ME1: variants seen among roughly 807,000 people sequenced by gnomAD.
The protein encoded by ME1 is NADP-dependent malic enzyme.
In ME1, 74 loss-of-function variants were observed where a neutral mutation model predicts 66.4. The ratio of observed to expected loss-of-function variants is 1.11; its 90% CI spans 0.92 to 1.35. The LOEUF (loss-of-function observed/expected upper bound fraction) is 1.35, where lower values mean the gene tolerates loss of function less well. Ranked by LOEUF, ME1 falls within the 40% of genes most tolerant of loss-of-function variation. The pLI is 0.00. For synonymous variants in ME1, 251 were observed against 235.6 expected (o/e 1.07, Z -0.60); for missense variants, 750 against 694.1 (o/e 1.08, Z -0.90).
At chr6:83,220,439 G>C (rs2128522990) in intron 12 of ME1, among the ~76,000 whole-genome samples, 2 of 152,304 alleles carry the variant, frequency 1.3e-5, no homozygotes, top group East Asian at 3.9e-4. Flanking sequence ...AGGTCCAGAA[G>C]ACTGTCTATA....
At chr6:83,393,277 T>TCCA (rs1473692316) in intron 3 of ME1, 1 of 1,202,794 alleles carries the variant, frequency 8.3e-7, no homozygotes, top group Non-Finnish European at 1.2e-6. Context: ...CACCCACTCT[T>TCCA]CCACCTTCGA....
intron 5 of ME1, among the ~76,000 whole-genome samples, chr6:83,342,184 T>C (rs947456590): frequency 1.3e-5 from 2 of 152,200 alleles, no homozygotes; most frequent in Admixed American, 6.5e-5. Flanking sequence ...GGGAAACCTC[T>C]AGCGGGTATT....
At chr6:83,223,974 G>T in intron 11 of ME1, 41 bp from the exon 12 acceptor site, 1 of 1,570,366 alleles carries the variant, frequency 6.4e-7, no homozygotes, top group Non-Finnish European at 8.7e-7. Flanking sequence ...AAAAGAAGCA[G>T]AATATTTTAA....
chr6:83,277,772 C>T (rs1767211135), intron 6 of ME1, among the ~76,000 whole-genome samples: 1 of 151,850 alleles, frequency 6.6e-6, no homozygotes, highest in Non-Finnish European at 1.5e-5. Flanking sequence ...CGTGGTGGCA[C>T]ATGGCTGTAA....
intron 6 of ME1, among the ~76,000 whole-genome samples, chr6:83,310,054 T>C: frequency 6.6e-6 from 1 of 152,190 alleles, no homozygotes; most frequent in East Asian, 1.9e-4. Flanking sequence ...GCTACTCCAC[T>C]AGAGATGCTA....
chr6:83,244,573 G>T (rs1159308052), intron 7 of ME1, among the ~76,000 whole-genome samples: 1 of 152,054 alleles, frequency 6.6e-6, no homozygotes, highest in Non-Finnish European at 1.5e-5. Flanking sequence ...AGAAATTTGA[G>T]GCTGGGGGTA....
intron 5 of ME1, among the ~76,000 whole-genome samples, chr6:83,344,105 C>T (rs1319716067): frequency 6.8e-6 from 1 of 148,074 alleles, no homozygotes. Context: ...AGCAAGACCC[C>T]GTCTAAAAAA....
Position 83,346,212 on chromosome 6 carries a change from T to C in ME1, c.561A>G (p.Glu187=). The C allele has an allele frequency of 6.2e-7, 1 of 1,610,664 alleles. No homozygotes were observed. Among genetic ancestry groups the C allele is most frequent in the Non-Finnish European group, 8.5e-7 (1 of 1,178,028 alleles). ...YTACGGMNPQ[E]CLPVILDVGT... ...CCACATCCAGAATGACAGGCAGACATTCTTGAGGATTCATCCCTCCGCAAG... is the reference window on the plus strand; with the variant it reads ...CCACATCCAGAATGACAGGCAGACACTCTTGAGGATTCATCCCTCCGCAAG... Residue 187 remains glutamate, a synonymous_variant, in exon 5 of 14, where the codon GAA becomes GAG. Transcript: ENST00000369705.
At position 83,217,705 on chromosome 6, in the gene ME1, G is replaced by A. The variant is rs141577683; in HGVS notation, c.1450-1109C>T. 4.2e-3 allele frequency among the ~76,000 whole-genome samples: 637 copies of A among 152,300 alleles called. 4 individuals are homozygous for A. Among genetic ancestry groups the A allele is most frequent in the Middle Eastern group, 6.8e-3 (2 of 294 alleles). On this transcript the variant is annotated intron_variant, in intron 12 of 13. Transcript: ENST00000369705. ...AAACCTACAGGAAAGCCTGGAGTTA[G>A]ACAAACAGAAAGTAGGTAGGCATTT... is the stretch of plus-strand genomic sequence containing the variant.
At chr6:83,272,296 G>C (rs1158638009) in intron 6 of ME1, among the ~76,000 whole-genome samples, 1 of 151,660 alleles carries the variant, frequency 6.6e-6, no homozygotes, top group African/African-American at 2.4e-5. Flanking sequence ...ACACTCTCAT[G>C]AAATCCTAAC....
chr6:83,271,590 T>C (rs1767082939), intron 6 of ME1, among the ~76,000 whole-genome samples: 1 of 152,182 alleles, frequency 6.6e-6, no homozygotes, highest in Non-Finnish European at 1.5e-5. Context: ...TGTAAACTGA[T>C]AACAGTAATA....
At position 83,410,986 on chromosome 6, in the gene ME1, A is replaced by C. The variant is rs150300878; in HGVS notation, c.79-3085T>G. 1.5e-3 allele frequency among the ~76,000 whole-genome samples: 221 copies of C among 152,314 alleles called. 1 individual carries two copies. Among genetic ancestry groups the C allele is most frequent in the African/African-American group, 5.1e-3 (210 of 41,564 alleles). On this transcript the variant is annotated intron_variant, in intron 1 of 13. Coordinates refer to ENST00000369705, the MANE Select transcript of ME1 (RefSeq NM_002395.6). ...TAGCCAAATTTTCCAAAACACACTA[A>C]AGTGCCAATTCAATCCTTTTAAAAA...
chr6:83,280,706 A>T (rs1767272009), intron 6 of ME1, among the ~76,000 whole-genome samples: 1 of 152,192 alleles, frequency 6.6e-6, no homozygotes, highest in African/African-American at 2.4e-5. Context: ...GAATTGATCC[A>T]ACAACTACAG....
chr6:83,215,885 G>A (rs1039762690), intron 13 of ME1, among the ~76,000 whole-genome samples: 3 of 152,176 alleles, frequency 2.0e-5, no homozygotes, highest in Non-Finnish European at 4.4e-5. Flanking sequence ...CCCAGCCCAA[G>A]AAAACTAATA....
intron 3 of ME1, among the ~76,000 whole-genome samples, chr6:83,368,327 T>C (rs1181109640): frequency 6.7e-6 from 1 of 150,028 alleles, no homozygotes; most frequent in Non-Finnish European, 1.5e-5. Context: ...AAAATGGCAC[T>C]GATAGACTTG....
intron 6 of ME1, among the ~76,000 whole-genome samples, chr6:83,259,527 G>C (rs1057361200): frequency 2.0e-5 from 3 of 152,086 alleles, no homozygotes; most frequent in African/African-American, 7.2e-5. Context: ...TTTGTACTGG[G>C]GAGATGACAA....
chr6:83,279,997 C>G (rs1413518765), intron 6 of ME1, among the ~76,000 whole-genome samples: 1 of 152,082 alleles, frequency 6.6e-6, no homozygotes, highest in Non-Finnish European at 1.5e-5. Flanking sequence ...AGAAACCCCA[C>G]CAACCTACAA....
At position 83,224,713 on chromosome 6, in the gene ME1, TAATA is replaced by T. The variant is rs948577647; in HGVS notation, c.1276-784_1276-781del. ...AAAAAAAAAATAAAAATAATAATAA[TAATA>T]AATAAATAAAATAAAATAAAATAGT... On this transcript the variant is annotated intron_variant, in intron 11 of 13. Coordinates refer to ENST00000369705, the MANE Select transcript of ME1 (RefSeq NM_002395.6). 8.8e-5 allele frequency among the ~76,000 whole-genome samples: 13 copies of T among 147,558 alleles called. 1 individual carries two copies. Among genetic ancestry groups the T allele is most frequent in the East Asian group, 7.9e-4 (4 of 5,036 alleles).
intron 6 of ME1, among the ~76,000 whole-genome samples, chr6:83,283,349 C>T (rs146308290): frequency 1.3e-5 from 2 of 151,700 alleles, no homozygotes; most frequent in African/African-American, 4.8e-5. Flanking sequence ...CATTTTCTCA[C>T]TCATAAGTGG....
Sources: gnomAD v4.1 joint callset for allele counts (sites outside exome capture counted in the v4.1 genomes callset) on GRCh38, gnomAD v4.1.1 for gene constraint, MANE v1.5 for transcripts, NCBI Gene and HGNC (gene_info 2026-07-23, HGNC 2026-07-21) for gene names.